Variants in NEB observed in about 807,000 individuals in gnomAD.
The protein encoded by NEB is nemaline myopathy type 2.
NEB carries 512 observed loss-of-function variants against 952.2 expected under a neutral mutation model. The ratio of observed to expected loss-of-function variants is 0.54; its 90% CI spans 0.50 to 0.58. NEB has a LOEUF of 0.58. Ranked by LOEUF, NEB falls within the 20% of genes least tolerant of loss-of-function variation. NEB has a pLI of 0.00. For synonymous variants in NEB, 2,900 were observed against 3,149.8 expected (o/e 0.92, Z 2.66); for missense variants, 8,428 against 9,231.1 (o/e 0.91, Z 3.56).
chr2:151,654,009 T>C lies in NEB; in HGVS notation c.6898A>G (p.Arg2300Gly). Reference sequence around the variant, plus strand: ...GTACTCACATCACTAGCAATGTCTCTTGAAGCTTTAGCTAGCTGTACAGAA... The same window carrying C: ...GTACTCACATCACTAGCAATGTCTCCTGAAGCTTTAGCTAGCTGTACAGAA... Reference protein sequence around the residue: ...AISVQLAKASRDIASDYKYKQ... With the variant: ...AISVQLAKASGDIASDYKYKQ... The change falls in exon 52 of 182, where the codon AGA (arginine) becomes GGA (glycine). Residue 2300 changes from arginine to glycine, a missense_variant. Arg to Gly is a moderately radical substitution (Grantham distance 125, BLOSUM62 -2). Around this residue, in one of 11 missense-constraint regions of NEB, gnomAD observed 2,851 missense variants for 2,791.5 expected, o/e 1.02. Coordinates refer to ENST00000397345, the MANE Select transcript of NEB (RefSeq NM_001164508.2). The C allele has an allele frequency of 1.2e-6, 2 of 1,611,836 alleles. No individual in the cohort carries two copies. Among genetic ancestry groups the C allele is most frequent in the East Asian group, 2.2e-5 (1 of 44,834 alleles).
intron 78 of NEB, 56 bp from the exon 79 acceptor site, chr2:151,610,922 G>T: frequency 9.2e-7 from 1 of 1,088,652 alleles, no homozygotes; most frequent in Non-Finnish European, 1.3e-6. Context: ...AAGACCTTCT[G>T]TTAAAGCCAA....
chr2:151,627,345 A>G, intron 69 of NEB, 140 bp from the exon 70 acceptor site: 1 of 1,355,448 alleles, frequency 7.4e-7, no homozygotes, highest in South Asian at 1.5e-5. Flanking sequence ...AATTGAATAC[A>G]GTCTCAGGTA....
chr2:151,633,882 C>A lies in NEB; in HGVS notation c.9186G>T (p.Trp3062Cys), dbSNP rs2098711812. 6.2e-7 allele frequency: 1 copy of A among 1,613,890 alleles called. No homozygotes were observed. The highest frequency in any genetic ancestry group is 8.5e-7 in the Non-Finnish European group (1 of 1,179,898). ...RNIEDDPKMM[W>C]SMHVAKIQSD... ...TCTGGATCTTGGCTACGTGCATGGA[C>A]CACATCATCTTGGGGTCATCTTCAA... The change falls in exon 65 of 182, where the codon TGG becomes TGT. Residue 3062 changes from tryptophan (W) to cysteine (C), a missense_variant. By Grantham distance (215) the Trp-to-Cys change is radical. Coordinates refer to ENST00000397345, the MANE Select transcript of NEB (RefSeq NM_001164508.2).
At chr2:151,520,448 G>GC (rs1389276808) in intron 153 of NEB, among the ~76,000 whole-genome samples, 1 of 152,096 alleles carries the variant, frequency 6.6e-6, no homozygotes, top group East Asian at 1.9e-4. Flanking sequence ...GTTTAGGTAG[G>GC]CAGAGGGCTA....
chr2:151,685,082 A>G (rs2099484393), intron 27 of NEB, 107 bp from the exon 28 acceptor site: 2 of 1,208,656 alleles, frequency 1.7e-6, no homozygotes, highest in Non-Finnish European at 1.2e-6. Flanking sequence ...AGAGTCAAAC[A>G]TCTGAGTAGT....
chr2:151,574,722 T>TTTTATTTATTTATTTATTTA (rs10529317), intron 107 of NEB, among the ~76,000 whole-genome samples: 21,318 of 147,676 alleles, frequency 0.14, 1,925 homozygotes, highest in Middle Eastern at 0.22. Flanking sequence ...ACAGTTTAAA[T>TTTTATTTATTTATTTATTTA]TTTATTTATT....
intron 55 of NEB, among the ~76,000 whole-genome samples, chr2:151,644,891 T>C (rs1216958412): frequency 1.3e-5 from 2 of 152,208 alleles, no homozygotes; most frequent in African/African-American, 2.4e-5. Flanking sequence ...AGTGTACTTA[T>C]GCAATCCTAG....
chr2:151,623,788 C>T (rs1285358956), intron 71 of NEB, among the ~76,000 whole-genome samples: 2 of 151,968 alleles, frequency 1.3e-5, no homozygotes, highest in Non-Finnish European at 2.9e-5. Flanking sequence ...TTATTTATTA[C>T]ATTTTTTCTT....
In NEB at chr2:151,516,520, A is replaced by G. The variant is rs375322569; in HGVS notation, c.22844T>C (p.Met7615Thr). ...GTACGTTGGTGTTTCAAAGTCCAGC[A>G]TGGGTTTTCCTCGTTCCTTTTCATA... ...EKYEKERGKP[M>T]LDFETPTYIT... The change falls in exon 157 of 182, where the codon ATG (methionine) becomes ACG (threonine). Residue 7615 changes from methionine to threonine, a missense_variant. Around this residue, in one of 11 missense-constraint regions of NEB, gnomAD observed 3,374 missense variants for 3,651.5 expected, o/e 0.92. Transcript: ENST00000397345. 28 of 1,613,506 alleles carry G rather than the reference A, an allele frequency of 1.7e-5. No individual in the cohort carries two copies. In the South Asian group the frequency reaches 2.5e-4, roughly 15 times the overall value.
chr2:151,578,868 G>A (rs549037740), intron 105 of NEB, among the ~76,000 whole-genome samples: 3 of 151,996 alleles, frequency 2.0e-5, no homozygotes, highest in South Asian at 2.1e-4. Context: ...GATCACCTGC[G>A]GTCAGGAGTT....
At chr2:151,682,053 C>A (rs1280864035) in intron 29 of NEB, among the ~76,000 whole-genome samples, 1 of 152,018 alleles carries the variant, frequency 6.6e-6, no homozygotes, top group African/African-American at 2.4e-5. Flanking sequence ...CCTAATAAAT[C>A]CATACAAAAG....
At chr2:151,628,162 C>T (rs2098561554) in intron 68 of NEB, among the ~76,000 whole-genome samples, 1 of 152,184 alleles carries the variant, frequency 6.6e-6, no homozygotes, top group African/African-American at 2.4e-5. Flanking sequence ...TCCGGAAGAT[C>T]TTTCGGTACT....
rs778666699 is a variant in NEB, at chr2:151,505,496, C to T, written c.23724G>A (p.Thr7908=). Residue 7908 remains threonine, a synonymous_variant, in exon 165 of 182, where the codon ACG becomes ACA. Transcript: ENST00000397345. ...CCACTACCGAGCTAATGTGCTTCTG[C>T]GTCTCCTTCACACGTTTCACTTCAG... ...DLPEVKRVKE[T]QKHISSVMYK... The T allele has an allele frequency of 7.4e-6, 12 of 1,613,384 alleles. No homozygotes were observed. The highest frequency in any genetic ancestry group is 4.4e-5 in the South Asian group (4 of 91,030).
At chr2:151,579,313 C>A in intron 105 of NEB, 25 bp downstream of exon 105, 1 of 1,121,304 alleles carries the variant, frequency 8.9e-7, no homozygotes, top group African/African-American at 1.4e-5. Flanking sequence ...CAATGGGGGA[C>A]TTGTTTCCTG....
In NEB at chr2:151,622,500, C is replaced by T. The variant is rs2098438721; in HGVS notation, c.10453-1474G>A. 2.0e-5 allele frequency among the ~76,000 whole-genome samples: 3 copies of T among 152,154 alleles called. No individual in the cohort carries two copies. In the South Asian group the frequency reaches 6.2e-4, roughly 32 times the overall value. ...TTACAGAAAAGTTGCAAGAATGCTA[C>T]AATGAATACCAACTATCCAATTTAT... On this transcript the variant is annotated intron_variant, in intron 71 of 181. Coordinates refer to ENST00000397345, the MANE Select transcript of NEB (RefSeq NM_001164508.2).
At chr2:151,715,514 T>G (rs1420272404) in intron 10 of NEB, among the ~76,000 whole-genome samples, 1 of 152,168 alleles carries the variant, frequency 6.6e-6, no homozygotes, top group African/African-American at 2.4e-5. Context: ...GGTGAGGTCA[T>G]GAGGGTGGGA....
intron 71 of NEB, among the ~76,000 whole-genome samples, chr2:151,623,475 A>T (rs2098456626): frequency 6.6e-6 from 1 of 152,184 alleles, no homozygotes; most frequent in Non-Finnish European, 1.5e-5. Flanking sequence ...TTTATACCCC[A>T]TTCTCAAATT....
At chr2:151,507,714 T>C (rs1017369537) in intron 162 of NEB, 36 of 335,122 alleles carry the variant, frequency 1.1e-4, no homozygotes, top group Admixed American at 5.6e-4. Flanking sequence ...CTTGTTAATC[T>C]GTCTTTTGTT....
In NEB at chr2:151,531,251, A is replaced by C. The variant is rs112305111; in HGVS notation, c.21523-150T>G. 7.9e-3 allele frequency: 4,096 copies of C among 519,934 alleles called. 122 individuals carry two copies. The highest frequency in any genetic ancestry group is 0.07 in the African/African-American group (3,552 of 50,516). 32.2% of individuals were successfully genotyped at this position (519,934 alleles called of 1,614,324 possible). A position where few individuals can be genotyped will look rare whatever the true frequency, so the allele number is the denominator to read the frequency against. On this transcript the variant is annotated intron_variant, in intron 144 of 181. Coordinates refer to ENST00000397345, the MANE Select transcript of NEB (RefSeq NM_001164508.2). Reference sequence around the variant, plus strand: ...CTTTCATGCTCTCTGCTAAGACTTCAGTGTTTCCAGCTGGCGTGTCTGCCA... The same window carrying C: ...CTTTCATGCTCTCTGCTAAGACTTCCGTGTTTCCAGCTGGCGTGTCTGCCA...
Sources: allele counts gnomAD v4.1 joint callset (sites outside exome capture counted in the v4.1 genomes callset), GRCh38; gene constraint gnomAD v4.1.1; regional missense constraint gnomAD v4.1.1; transcripts MANE v1.5; gene names NCBI Gene and HGNC (gene_info 2026-07-23, HGNC 2026-07-21).